Variants in RGPD4 observed in about 807,000 individuals in gnomAD.
RGPD4 encodes the protein RANBP2 like and GRIP domain containing 4.
Under a neutral mutation model 141.1 loss-of-function variants are expected in RGPD4, and 84 were observed. The ratio of observed to expected loss-of-function variants is 0.60; its 90% CI spans 0.50 to 0.71. RGPD4 has a LOEUF of 0.71. RGPD4 is among the 30% of genes least tolerant of loss of function. The pLI, the probability that RGPD4 is intolerant of heterozygous loss-of-function variation, is 0.00. For missense variants in RGPD4, 918 were observed against 1,622.4 expected (o/e 0.57, Z 7.46); for synonymous variants, 298 against 566.8 (o/e 0.53, Z 6.74).
chr2:107,878,111 C>T (rs921631007), intron 20 of RGPD4, among the ~76,000 whole-genome samples: 45 of 151,006 alleles, frequency 3.0e-4, no homozygotes, highest in South Asian at 2.9e-3. Context: ...CACGCCCGGC[C>T]TTGATGACTA....
chr2:107,878,627 C>G (rs1373031506), intron 20 of RGPD4, among the ~76,000 whole-genome samples: 1 of 136,050 alleles, frequency 7.4e-6, no homozygotes, highest in East Asian at 2.1e-4. Flanking sequence ...TTAGGGTTCT[C>G]TAGAGGGACA....
At chr2:107,857,441 G>T (rs1682363003) in intron 9 of RGPD4, among the ~76,000 whole-genome samples, 1 of 147,810 alleles carries the variant, frequency 6.8e-6, no homozygotes, top group Admixed American at 6.7e-5. Context: ...GACCAGCCTT[G>T]TTGTATTTTG....
chr2:107,876,415 C>T (rs552945473), intron 20 of RGPD4, among the ~76,000 whole-genome samples: 1 of 151,378 alleles, frequency 6.6e-6, no homozygotes, highest in South Asian at 2.1e-4. Flanking sequence ...CTGGTATTCA[C>T]CAGATTTGTT....
chr2:107,828,050 C>T (rs1214358002), intron 1 of RGPD4, among the ~76,000 whole-genome samples: 1 of 58,880 alleles, frequency 1.7e-5, no homozygotes, highest in Non-Finnish European at 3.4e-5. Flanking sequence ...TGGCTCCCGA[C>T]GGGCGCTGCT....
At chr2:107,887,231 G>A (rs531855520) in intron 22 of RGPD4, among the ~76,000 whole-genome samples, 1 of 150,584 alleles carries the variant, frequency 6.6e-6, no homozygotes, top group African/African-American at 2.4e-5. Context: ...ATTTCAGCCT[G>A]GGCAACAGAG....
Position 107,890,862 on chromosome 2 carries a change from C to G in RGPD4, c.*131C>G. 1 of 1,039,376 alleles carries G rather than the reference C, an allele frequency of 9.6e-7. No homozygotes were observed. Among genetic ancestry groups the G allele is most frequent in the Non-Finnish European group, 1.4e-6 (1 of 699,186 alleles). 64.4% of individuals were successfully genotyped at this position (1,039,376 alleles called of 1,614,324 possible). On this transcript the variant is annotated 3_prime_UTR_variant, in exon 23 of 23. Transcript: ENST00000408999. Reference sequence around the variant, plus strand: ...AAAAATGGTTCATGTGTATTACCATCATTCTTTTGTCAAAAAGTGTGTATA... The same window carrying G: ...AAAAATGGTTCATGTGTATTACCATGATTCTTTTGTCAAAAAGTGTGTATA...
rs768010825 is a variant in RGPD4, at chr2:107,826,989, T to A, written c.-25T>A. The A allele has an allele frequency of 1.9e-6, 3 of 1,590,542 alleles. No individual in the cohort carries two copies. The African/African-American group carries it at 4.0e-5, about 21-fold the overall frequency. ...CGGGGCTGAGCGCTGGTTTCACGCG[T>A]CTCGGGAGCCAGGTTGGTGGCGCGA... On this transcript the variant is annotated 5_prime_UTR_variant, in exon 1 of 23. Coordinates refer to ENST00000408999, the MANE Select transcript of RGPD4 (RefSeq NM_182588.3).
chr2:107,882,329 C>T (rs528180767), intron 21 of RGPD4, among the ~76,000 whole-genome samples: 2 of 151,848 alleles, frequency 1.3e-5, no homozygotes, highest in Admixed American at 6.6e-5. Context: ...CTTTCTACTT[C>T]ACCCCTCTTC....
chr2:107,829,847 C>A (rs1489731481), intron 1 of RGPD4, among the ~76,000 whole-genome samples: 6 of 152,046 alleles, frequency 3.9e-5, no homozygotes, highest in Non-Finnish European at 8.8e-5. Flanking sequence ...GCTTAGGCAC[C>A]CGGGTGCTGT....
At chr2:107,883,540 G>T (rs992746775) in intron 22 of RGPD4, among the ~76,000 whole-genome samples, 2 of 148,764 alleles carry the variant, frequency 1.3e-5, no homozygotes, top group East Asian at 3.9e-4. Flanking sequence ...TGAGGCAGGA[G>T]AGTCACTTGA....
At position 107,859,397 on chromosome 2, in the gene RGPD4, G is replaced by T; in HGVS notation, c.1477G>T (p.Val493Leu). The change falls in exon 11 of 23, where the codon GTA becomes TTA. Residue 493 changes from valine to leucine, a missense_variant. Coordinates refer to ENST00000408999, the MANE Select transcript of RGPD4 (RefSeq NM_182588.3). Reference sequence around the variant, plus strand: ...AAAACAGGTATTTCTCCTTGGAGTAGTATATACCAGCCACTTACAATTAAA... The same window carrying T: ...AAAACAGGTATTTCTCCTTGGAGTATTATATACCAGCCACTTACAATTAAA... ...LDLEVFLLGVVYTSHLQLKEK... is the reference protein window; with the variant it reads ...LDLEVFLLGVLYTSHLQLKEK... The T allele has an allele frequency of 6.2e-7, 1 of 1,609,676 alleles. No individual in the cohort carries two copies. The highest frequency in any genetic ancestry group is 1.1e-5 in the South Asian group (1 of 90,922).
rs1681201647 is a variant in RGPD4 at position 107,826,909 on chromosome 2, G to C, written c.-105G>C. The C allele has an allele frequency of 1.3e-6, 2 of 1,544,688 alleles. 1 individual carries two copies. Among genetic ancestry groups the C allele is most frequent in the South Asian group, 2.4e-5 (2 of 83,958 alleles). ...AGTTCGTCACAGTGGTCCTCCGCCG[G>C]CTACGCGGAGTCAGTGGCTTTCAGG... On this transcript the variant is annotated 5_prime_UTR_variant, in exon 1 of 23. Transcript: ENST00000408999.
Position 107,868,608 on chromosome 2 carries a change from A to G in RGPD4, c.2606-1275A>G, listed in dbSNP as rs1391536413. On this transcript the variant is annotated intron_variant, in intron 18 of 22. Coordinates refer to ENST00000408999, the MANE Select transcript of RGPD4 (RefSeq NM_182588.3). ...TGATTTTTTTAAAGCCAACGAACAC[A>G]TTTGTGTTCCTTGTGAGATCCTGTG... 3.3e-5 allele frequency among the ~76,000 whole-genome samples: 5 copies of G among 150,182 alleles called. No individual in the cohort carries two copies. In the East Asian group the frequency reaches 6.0e-4, roughly 18 times the overall value.
chr2:107,847,084 T>C (rs1287131617), intron 6 of RGPD4, among the ~76,000 whole-genome samples: 1 of 149,384 alleles, frequency 6.7e-6, no homozygotes, highest in East Asian at 2.0e-4. Flanking sequence ...CTACTAAAAA[T>C]ACAAAAAATT....
intron 1 of RGPD4, among the ~76,000 whole-genome samples, chr2:107,831,192 G>GA (rs1190351234): frequency 1.6e-4 from 21 of 134,198 alleles, no homozygotes; most frequent in African/African-American, 4.0e-4. Flanking sequence ...AAGAAAAAAA[G>GA]AAAAAAAATA....
rs1478517826 is a variant in RGPD4, at chr2:107,871,753, A to T, written c.3749A>T (p.Asp1250Val). The change falls in exon 20 of 23, where the codon GAT (aspartate) becomes GTT (valine). Residue 1250 changes from aspartate (D) to valine (V), a missense_variant. Asp to Val is a radical substitution (Grantham distance 152). Coordinates refer to ENST00000408999, the MANE Select transcript of RGPD4 (RefSeq NM_182588.3). ...PENTGPTLEW[D>V]NCDLREDALD... ...AACACTGGGCCCACATTAGAATGGG[A>T]TAACTGTGATTTAAGGGAAGATGCT... 6.2e-7 allele frequency: 1 copy of T among 1,611,382 alleles called. No homozygotes were observed. The highest frequency in any genetic ancestry group is 1.7e-5 in the Admixed American group (1 of 59,980).
chr2:107,862,646 A>T (rs1682584757), intron 15 of RGPD4, 36 bp from the exon 16 acceptor site: 1 of 1,072,182 alleles, frequency 9.3e-7, no homozygotes. Context: ...AATTTTTTGC[A>T]AATGAAAGCC....
rs1277810707 is a variant in RGPD4, at chr2:107,883,638, AAC to A, written c.5266+767_5266+768del. Reference sequence around the variant, plus strand: ...GAGACTCCATCTCAAAAAAAAAAAAAACAAAAACAAAAAACTATGATGTAGTT... The same window carrying A: ...GAGACTCCATCTCAAAAAAAAAAAAAAAAAACAAAAAACTATGATGTAGTT... On this transcript the variant is annotated intron_variant, in intron 22 of 22. Transcript: ENST00000408999. Among the ~76,000 whole-genome samples, 3 of 34,394 alleles carry A rather than the reference AAC, an allele frequency of 8.7e-5. 1 individual carries two copies. The highest frequency in any genetic ancestry group is 8.7e-4 in the African/African-American group (3 of 3,464). 22.6% of individuals were successfully genotyped at this position (34,394 alleles called of 152,430 possible).
intron 20 of RGPD4, among the ~76,000 whole-genome samples, chr2:107,876,527 G>A (rs1208947822): frequency 6.6e-6 from 1 of 151,152 alleles, no homozygotes; most frequent in African/African-American, 2.4e-5. Context: ...TGAATGTGTA[G>A]AACTGCATAA....
Sources: allele counts gnomAD v4.1 joint callset (sites outside exome capture counted in the v4.1 genomes callset), GRCh38; gene constraint gnomAD v4.1.1; transcripts MANE v1.5; gene names NCBI Gene and HGNC (gene_info 2026-07-23, HGNC 2026-07-21).